NEXN: variants seen among roughly 807,000 people sequenced by gnomAD.
NEXN encodes nexilin.
Under a neutral mutation model 92.6 loss-of-function variants are expected in NEXN, and 65 were observed. The observed-to-expected ratio is 0.70, with a 90% CI of 0.57 to 0.86. The LOEUF is 0.86. Among genes scored for constraint, NEXN ranks in the 40% least tolerant of loss-of-function variants. NEXN has a pLI of 0.00. For synonymous variants in NEXN, 254 were observed against 242.5 expected, an observed-to-expected ratio of 1.05 and a Z score of -0.44; for missense variants, 778 against 771.1, an observed-to-expected ratio of 1.01 and a Z score of -0.11.
At chr1:77,938,208 G>C (rs963545905) in intron 11 of NEXN, among the ~76,000 whole-genome samples, 1 of 152,138 alleles carries the variant, frequency 6.6e-6, no homozygotes, top group Non-Finnish European at 1.5e-5. Flanking sequence ...ACAAGCCTAA[G>C]GCCTGGGTTA....
At chr1:77,928,941 G>A (rs963740678) in intron 8 of NEXN, among the ~76,000 whole-genome samples, 6 of 152,144 alleles carry the variant, frequency 3.9e-5, no homozygotes, top group African/African-American at 1.4e-4. Context: ...TAGTAGAGAC[G>A]AAGTCTTGCT....
At chr1:77,906,106 A>G (rs1449275644) in intron 1 of NEXN, among the ~76,000 whole-genome samples, 2 of 152,096 alleles carry the variant, frequency 1.3e-5, no homozygotes, top group African/African-American at 4.8e-5. Flanking sequence ...GGACATAGAG[A>G]AGGAATGCTC....
intron 1 of NEXN, among the ~76,000 whole-genome samples, chr1:77,915,659 C>CAAG (rs1167460075): frequency 2.6e-5 from 4 of 151,958 alleles, no homozygotes; most frequent in Non-Finnish European, 5.9e-5. Flanking sequence ...CAAAACAAAA[C>CAAG]AAGCAAACAA....
At chr1:77,898,349 T>C (rs1647403726) in intron 1 of NEXN, among the ~76,000 whole-genome samples, 1 of 152,044 alleles carries the variant, frequency 6.6e-6, no homozygotes, top group Non-Finnish European at 1.5e-5. Flanking sequence ...CCCTCAGAAA[T>C]AATGCCACAT....
At chr1:77,893,946 G>A (rs1433736322) in intron 1 of NEXN, among the ~76,000 whole-genome samples, 4 of 151,702 alleles carry the variant, frequency 2.6e-5, no homozygotes, top group Non-Finnish European at 5.9e-5. Flanking sequence ...TCTTGCCTCA[G>A]CCTCCCGAGT....
At chr1:77,925,310 A>G in intron 6 of NEXN, 81 bp downstream of exon 6, 1 of 950,952 alleles carries the variant, frequency 1.1e-6, no homozygotes, top group Non-Finnish European at 1.6e-6. Flanking sequence ...AGAAAAAACT[A>G]AAAGAGCTTT....
At chr1:77,927,904 G>A (rs1485175372) in intron 8 of NEXN, among the ~76,000 whole-genome samples, 1 of 151,224 alleles carries the variant, frequency 6.6e-6, no homozygotes, top group Non-Finnish European at 1.5e-5. Context: ...AATGGTGTTT[G>A]TTACATATAC....
At position 77,895,055 on chromosome 1, in the gene NEXN, T is replaced by C. The variant is rs796066534; in HGVS notation, c.-53+6296T>C. Among the ~76,000 whole-genome samples, 735 of 114,584 alleles carry C rather than the reference T, an allele frequency of 6.4e-3. 8 individuals are homozygous for C. The highest frequency in any genetic ancestry group is 0.024 in the African/African-American group (697 of 29,614). The allele number at this position is 114,584 out of a possible 152,430, so 75.2% of individuals were successfully genotyped here. On this transcript the variant is annotated intron_variant, in intron 1 of 12. Transcript: ENST00000334785. ...TTTTTTTTTTTTTTTTTTTTTTTTT[T>C]TTTTTTTGAGATGGAGTCTCATTCT...
At chr1:77,898,113 C>G (rs1251136125) in intron 1 of NEXN, among the ~76,000 whole-genome samples, 1 of 151,652 alleles carries the variant, frequency 6.6e-6, no homozygotes, top group Non-Finnish European at 1.5e-5. Context: ...TCAATGCCAT[C>G]CCCATCAAGC....
chr1:77,902,589 CA>C (rs1342402223), intron 1 of NEXN, among the ~76,000 whole-genome samples: 1 of 152,062 alleles, frequency 6.6e-6, no homozygotes, highest in African/African-American at 2.4e-5. Context: ...ATAAATGAAA[CA>C]GACTTTGTAT....
chr1:77,925,117 T>C lies in NEXN; in HGVS notation c.448-71T>C, dbSNP rs544621216. On this transcript the variant is annotated intron_variant, in intron 5 of 12. Transcript: ENST00000334785. Reference sequence around the variant, plus strand: ...ACTATAAGTCACAACTAAATTACTTTCCAGTTGTTGTTTAAAAGCAAAAAG... The same window carrying C: ...ACTATAAGTCACAACTAAATTACTTCCCAGTTGTTGTTTAAAAGCAAAAAG... 3.1e-6 allele frequency: 3 copies of C among 969,150 alleles called. No homozygotes were observed. The South Asian group carries it at 4.3e-5, about 14-fold the overall frequency. 60.0% of individuals were successfully genotyped at this position (969,150 alleles called of 1,614,324 possible).
chr1:77,901,851 A>G (rs1647741235), intron 1 of NEXN, among the ~76,000 whole-genome samples: 1 of 152,168 alleles, frequency 6.6e-6, no homozygotes, highest in African/African-American at 2.4e-5. Flanking sequence ...CGATCTTTCT[A>G]CCTCAGTCCT....
chr1:77,940,669 AAAC>A (rs1473543272), intron 11 of NEXN, among the ~76,000 whole-genome samples: 7 of 152,352 alleles, frequency 4.6e-5, no homozygotes, highest in East Asian at 1.9e-4. Context: ...TTCATTTGGT[AAAC>A]AACAAAAAAA....
intron 11 of NEXN, among the ~76,000 whole-genome samples, chr1:77,937,614 G>A (rs779347474): frequency 6.6e-6 from 1 of 152,006 alleles, no homozygotes; most frequent in African/African-American, 2.4e-5. Flanking sequence ...GCTTGAACCC[G>A]GGAGGTGGAG....
At position 77,917,767 on chromosome 1, in the gene NEXN, TTTTAC is replaced by T; in HGVS notation, c.219+15_219+19del. On this transcript the variant is annotated intron_variant, in intron 3 of 12. Coordinates refer to ENST00000334785, the MANE Select transcript of NEXN (RefSeq NM_144573.4). ...CAGGAGAAAGCAGGAGGTTATTTTA[TTTTAC>T]TTTATTCTCGTGAAAATATTTGTTT... 6.3e-7 allele frequency: 1 copy of T among 1,591,692 alleles called. No individual in the cohort carries two copies. The highest frequency in any genetic ancestry group is 8.6e-7 in the Non-Finnish European group (1 of 1,160,528).
chr1:77,921,877 G>A (rs533864629), intron 5 of NEXN, among the ~76,000 whole-genome samples: 2 of 152,042 alleles, frequency 1.3e-5, no homozygotes, highest in Admixed American at 6.6e-5. Context: ...TTGCACCACT[G>A]TACTCAAGCC....
At chr1:77,896,078 G>GGA (rs1338930678) in intron 1 of NEXN, among the ~76,000 whole-genome samples, 1 of 151,608 alleles carries the variant, frequency 6.6e-6, no homozygotes, top group Non-Finnish European at 1.5e-5. Flanking sequence ...GGCTGAGGCA[G>GGA]GAGAATTGCT....
intron 1 of NEXN, among the ~76,000 whole-genome samples, chr1:77,905,174 A>C (rs759498236): frequency 1.3e-5 from 2 of 151,348 alleles, no homozygotes; most frequent in African/African-American, 2.4e-5. Flanking sequence ...AGGCAGGAGA[A>C]TCGCTTGAAC....
intron 11 of NEXN, among the ~76,000 whole-genome samples, chr1:77,936,890 A>G (rs1400517499): frequency 6.6e-6 from 1 of 152,230 alleles, no homozygotes; most frequent in Non-Finnish European, 1.5e-5. Context: ...CTGTGTGCCA[A>G]TTATTGGGAC....
Sources: gnomAD v4.1 joint callset for allele counts (sites outside exome capture counted in the v4.1 genomes callset) on GRCh38, gnomAD v4.1.1 for gene constraint, MANE v1.5 for transcripts, NCBI Gene and HGNC (gene_info 2026-07-23, HGNC 2026-07-21) for gene names.